Variants in DMD observed in about 807,000 individuals in gnomAD.
DMD encodes mutant dystrophin.
DMD carries 63 observed loss-of-function variants against 330.1 expected under a neutral mutation model. The observed-to-expected ratio is 0.19, with a 90% confidence interval of 0.16 to 0.24. The LOEUF (loss-of-function observed/expected upper bound fraction) is 0.24, where lower values mean the gene tolerates loss of function less well. Ranked by LOEUF, DMD falls within the 10% of genes least tolerant of loss-of-function variation. The pLI is 1.00. For synonymous variants in DMD, 1,223 were observed against 959.8 expected, an observed-to-expected ratio of 1.27 and a Z score of -5.07; for missense variants, 3,344 against 2,684.1, an observed-to-expected ratio of 1.25 and a Z score of -5.43.
intron 44 of DMD, among the ~76,000 whole-genome samples, chrX:32,160,662 T>C (rs1261493810): frequency 1.8e-5 from 2 of 111,579 alleles, no homozygotes; most frequent in Non-Finnish European, 3.8e-5. Context: ...TCTTCTAGCA[T>C]ACTGTACTCA....
intron 55 of DMD, among the ~76,000 whole-genome samples, chrX:31,556,366 CAAA>C (rs370514351): frequency 1.9e-5 from 1 of 52,487 alleles, no homozygotes; most frequent in Non-Finnish European, 3.4e-5. Flanking sequence ...GACTCTGTAT[CAAA>C]AAAAAAAAAA....
At chrX:32,187,147 A>G (rs1018023186) in intron 44 of DMD, among the ~76,000 whole-genome samples, 2 of 111,316 alleles carry the variant, frequency 1.8e-5, no homozygotes, top group Non-Finnish European at 1.9e-5. Context: ...GACACTTTGA[A>G]GATCATCTCC....
intron 21 of DMD, among the ~76,000 whole-genome samples, chrX:32,473,379 C>G (rs1398441353): frequency 9.0e-6 from 1 of 111,063 alleles, no homozygotes; most frequent in Admixed American, 9.6e-5. Context: ...ATATGCATCC[C>G]AGAATGTGGC....
At chrX:32,205,999 T>C (rs2097067131) in intron 44 of DMD, 2 of 471,102 alleles carry the variant, frequency 4.2e-6, no homozygotes, top group South Asian at 2.5e-5. Context: ...AATAATGAAA[T>C]TGAGCAACAG....
intron 6 of DMD, among the ~76,000 whole-genome samples, chrX:32,812,691 T>C (rs1220924887): frequency 8.9e-6 from 1 of 112,380 alleles, no homozygotes; most frequent in East Asian, 2.8e-4. Flanking sequence ...GCTTCTACTC[T>C]AGTTAATACA....
intron 12 of DMD, among the ~76,000 whole-genome samples, chrX:32,611,359 C>T (rs1166027911): frequency 9.0e-6 from 1 of 110,945 alleles, no homozygotes; most frequent in Non-Finnish European, 1.9e-5. Context: ...ATAAATAATG[C>T]CTGGAGGTAA....
chrX:33,177,143 T>A lies in DMD; in HGVS notation c.31+34139A>T, dbSNP rs555207218. Among the ~76,000 whole-genome samples the A allele has an allele frequency of 2.3e-4, 25 of 110,912 alleles. 1 individual carries two copies. The South Asian group carries it at 7.7e-3, about 34-fold the overall frequency. The stretch of plus-strand genomic sequence containing the variant: ...GGTTGGACTCTTGTACTTTCAGTCG[T>A]TGGTTGCAAACTGACCTGAGGTGGG... On this transcript the variant is annotated intron_variant, in intron 1 of 78. Coordinates refer to ENST00000357033, the MANE Select transcript of DMD (RefSeq NM_004006.3).
At chrX:32,081,687 T>G (rs911412751) in intron 44 of DMD, among the ~76,000 whole-genome samples, 6 of 111,100 alleles carry the variant, frequency 5.4e-5, no homozygotes, top group African/African-American at 1.6e-4. Context: ...AAACCCCGTC[T>G]CTACTAAAAA....
At chrX:31,296,761 A>G (rs1310594278) in intron 62 of DMD, among the ~76,000 whole-genome samples, 1 of 111,846 alleles carries the variant, frequency 8.9e-6, no homozygotes, top group Non-Finnish European at 1.9e-5. Context: ...AATGCTCTCA[A>G]CATCTCATCT....
intron 7 of DMD, among the ~76,000 whole-genome samples, chrX:32,731,722 TAACA>T (rs2067689530): frequency 9.0e-6 from 1 of 111,508 alleles, no homozygotes; most frequent in Non-Finnish European, 1.9e-5. Context: ...GAAGGAAAAC[TAACA>T]AACAGAAAGG....
chrX:32,278,695 C>T (rs2148399403), intron 43 of DMD, among the ~76,000 whole-genome samples: 1 of 112,075 alleles, frequency 8.9e-6, no homozygotes, highest in East Asian at 2.8e-4. Flanking sequence ...AAATCTAAGA[C>T]CTCAAACTAA....
intron 33 of DMD, among the ~76,000 whole-genome samples, chrX:32,383,665 T>A (rs1471555350): frequency 4.5e-5 from 5 of 110,845 alleles, no homozygotes; most frequent in Non-Finnish European, 7.6e-5. Context: ...TATGATTTCT[T>A]CATACACTTT....
chrX:32,855,252 T>A (rs1487051719), intron 2 of DMD, among the ~76,000 whole-genome samples: 2 of 112,129 alleles, frequency 1.8e-5, no homozygotes, highest in Non-Finnish European at 3.8e-5. Flanking sequence ...GACTTTTCTC[T>A]AAGATCTGTA....
At chrX:31,829,182 A>G (rs896043339) in intron 49 of DMD, among the ~76,000 whole-genome samples, 1 of 111,561 alleles carries the variant, frequency 9.0e-6, no homozygotes, top group African/African-American at 3.3e-5. Context: ...ATGAGGATAC[A>G]AAGACATACG....
chrX:32,668,071 C>A (rs1177333686), intron 9 of DMD, among the ~76,000 whole-genome samples: 1 of 110,697 alleles, frequency 9.0e-6, no homozygotes, highest in African/African-American at 3.3e-5. Context: ...ATCGCTTGAG[C>A]CCAGGAGGCG....
chrX:32,955,336 C>T (rs1388207793), intron 2 of DMD, among the ~76,000 whole-genome samples: 1 of 109,924 alleles, frequency 9.1e-6, no homozygotes, highest in Non-Finnish European at 1.9e-5. Flanking sequence ...GCATGTATGT[C>T]TTCTTTTGAG....
intron 7 of DMD, among the ~76,000 whole-genome samples, chrX:32,762,150 CAAAAAAAGAA>C (rs772527460): frequency 1.7e-4 from 14 of 82,409 alleles, no homozygotes; most frequent in East Asian, 7.3e-4. Context: ...GACTCTGTCT[CAAAAAAAGAA>C]AAAAAAAGAA....
intron 2 of DMD, among the ~76,000 whole-genome samples, chrX:32,960,802 A>C (rs1036565952): frequency 1.8e-5 from 2 of 109,292 alleles, no homozygotes; most frequent in East Asian, 5.8e-4. Context: ...GTTTAGTTTC[A>C]GTTTGTGAAT....
chrX:33,227,075 G>A (rs752828968), intron 1 of DMD, among the ~76,000 whole-genome samples: 59 of 109,619 alleles, frequency 5.4e-4, no homozygotes, highest in Non-Finnish European at 1.0e-3. Context: ...TCTGGGTATC[G>A]TTTAAATAAA....
Sources: allele counts gnomAD v4.1 joint callset (sites outside exome capture counted in the v4.1 genomes callset), GRCh38; gene constraint gnomAD v4.1.1; transcripts MANE v1.5; gene names NCBI Gene and HGNC (gene_info 2026-07-23, HGNC 2026-07-21).